Variants in PRMT9 observed in about 807,000 individuals in gnomAD.
The protein encoded by PRMT9 is protein arginine N-methyltransferase 9.
Under a neutral mutation model 83.2 loss-of-function variants are expected in PRMT9, and 59 were observed. The ratio of observed to expected loss-of-function variants is 0.71; its 90% confidence interval spans 0.57 to 0.88. PRMT9 has a LOEUF of 0.88. Ranked by LOEUF, PRMT9 falls within the 40% of genes least tolerant of loss-of-function variation. The pLI, the probability that PRMT9 is intolerant of heterozygous loss-of-function variation, is 0.00. For synonymous variants in PRMT9, 333 were observed against 353.2 expected, an observed-to-expected ratio of 0.94 and a Z score of 0.64; for missense variants, 947 against 1,021.9, an observed-to-expected ratio of 0.93 and a Z score of 1.00.
chr4:147,662,543 G>A (rs1395226568), intron 6 of PRMT9, among the ~76,000 whole-genome samples: 1 of 152,230 alleles, frequency 6.6e-6, no homozygotes, highest in Non-Finnish European at 1.5e-5. Context: ...GTTTACACCT[G>A]TAATCCCAGT....
At chr4:147,651,094 C>A (rs1363137967) in intron 9 of PRMT9, among the ~76,000 whole-genome samples, 1 of 151,022 alleles carries the variant, frequency 6.6e-6, no homozygotes, top group African/African-American at 2.4e-5. Context: ...AAGAGTGAGA[C>A]TCCATCTCAA....
At chr4:147,680,967 TC>T (rs2126642271) in intron 1 of PRMT9, among the ~76,000 whole-genome samples, 1 of 152,354 alleles carries the variant, frequency 6.6e-6, no homozygotes, top group African/African-American at 2.4e-5. Flanking sequence ...GCAAATGTAG[TC>T]CAACTCAAAT....
rs1236080591 is a variant in PRMT9, at chr4:147,638,400, A to G, written c.*132T>C. 8.7e-6 allele frequency: 6 copies of G among 691,102 alleles called. No homozygotes were observed. In the East Asian group the frequency reaches 1.4e-4, roughly 16 times the overall value. 42.8% of individuals were successfully genotyped at this position (691,102 alleles called of 1,614,324 possible). On this transcript the variant is annotated 3_prime_UTR_variant, in exon 12 of 12. Coordinates refer to ENST00000322396, the MANE Select transcript of PRMT9 (RefSeq NM_138364.4). ...CCTTTTATTTAGAATCTTTTAAAAT[A>G]TGCTTTATTAATGTCAATTTTAAAA...
In PRMT9 at chr4:147,655,078, G is replaced by A. The variant is rs574807104; in HGVS notation, c.1331-512C>T. Among the ~76,000 whole-genome samples the A allele has an allele frequency of 2.0e-5, 3 of 152,302 alleles. 1 individual carries two copies. In the South Asian group the frequency reaches 6.2e-4, roughly 32 times the overall value. On this transcript the variant is annotated intron_variant, in intron 8 of 11. Coordinates refer to ENST00000322396, the MANE Select transcript of PRMT9 (RefSeq NM_138364.4). ...AACTGTAAGTATTTTAGACATTCTTGCATGTCTAGGAACTTCAAAGTATAA... is the reference window on the plus strand; with the variant it reads ...AACTGTAAGTATTTTAGACATTCTTACATGTCTAGGAACTTCAAAGTATAA...
chr4:147,677,450 T>C (rs1736163258), intron 2 of PRMT9, among the ~76,000 whole-genome samples: 1 of 132,538 alleles, frequency 7.5e-6, no homozygotes, highest in African/African-American at 3.0e-5. Flanking sequence ...GTAGAATTTT[T>C]TTTTTTTTTT....
intron 9 of PRMT9, among the ~76,000 whole-genome samples, chr4:147,649,808 A>G (rs1186358495): frequency 6.6e-6 from 1 of 152,124 alleles, no homozygotes; most frequent in Non-Finnish European, 1.5e-5. Context: ...TCCAGCAAGA[A>G]TGAACATTTA....
At chr4:147,663,496 G>A (rs1463255652) in intron 6 of PRMT9, among the ~76,000 whole-genome samples, 2 of 152,020 alleles carry the variant, frequency 1.3e-5, no homozygotes, top group African/African-American at 4.8e-5. Flanking sequence ...TTCCTGAGTA[G>A]CTGGGACTAC....
intron 9 of PRMT9, among the ~76,000 whole-genome samples, chr4:147,648,038 C>T (rs146726064): frequency 3.4e-4 from 52 of 152,272 alleles, no homozygotes; most frequent in African/African-American, 1.2e-3. Context: ...ATAAAGTATA[C>T]ATAGGGCAAA....
intron 9 of PRMT9, among the ~76,000 whole-genome samples, chr4:147,648,736 G>A (rs1406777443): frequency 1.3e-5 from 2 of 152,114 alleles, no homozygotes; most frequent in Non-Finnish European, 2.9e-5. Flanking sequence ...TCAACTAAGT[G>A]ATAATCAGTT....
chr4:147,657,522 G>A (rs1437911178), intron 8 of PRMT9, among the ~76,000 whole-genome samples: 1 of 147,412 alleles, frequency 6.8e-6, no homozygotes, highest in East Asian at 2.0e-4. Flanking sequence ...AGACTCTGTC[G>A]TTAAAAAAAA....
At chr4:147,683,733 CTG>C (rs144864566) in intron 1 of PRMT9, 64 bp downstream of exon 1, 12,387 of 461,778 alleles carry the variant, frequency 0.027, 143 homozygotes, top group East Asian at 0.047. Context: ...TTTTTTTTTT[CTG>C]TTTTTTTTTT....
At chr4:147,664,706 T>C (rs1735202136) in intron 6 of PRMT9, among the ~76,000 whole-genome samples, 1 of 152,102 alleles carries the variant, frequency 6.6e-6, no homozygotes, top group Non-Finnish European at 1.5e-5. Context: ...AAAACCTAGA[T>C]GATGGGTTGA....
intron 2 of PRMT9, among the ~76,000 whole-genome samples, chr4:147,678,461 T>C (rs1444378669): frequency 1.3e-5 from 2 of 152,224 alleles, no homozygotes; most frequent in Non-Finnish European, 2.9e-5. Context: ...TTTCACAGAA[T>C]TCTTCACGCA....
chr4:147,646,670 G>A (rs1407384998), intron 9 of PRMT9, among the ~76,000 whole-genome samples: 1 of 147,616 alleles, frequency 6.8e-6, no homozygotes, highest in African/African-American at 2.5e-5. Context: ...GGAGGGGGGG[G>A]AGGGGGGTGC....
At position 147,673,059 on chromosome 4, in the gene PRMT9, G is replaced by GTTCAT. The variant is rs1560704653; in HGVS notation, c.638_642dup (p.Leu215MetfsTer27). 1 of 1,613,968 alleles carries GTTCAT rather than the reference G, an allele frequency of 6.2e-7. No individual in the cohort carries two copies. Among genetic ancestry groups the GTTCAT allele is most frequent in the Non-Finnish European group, 8.5e-7 (1 of 1,179,882 alleles). On this transcript the variant is annotated frameshift_variant, in exon 4 of 12. Transcript: ENST00000322396. LOFTEE classifies it high-confidence loss of function. Reference sequence around the variant, plus strand: ...TTTGCTGCCACGACATCACAGGCAAGTTCATACATGGTCTTGGATAACTCA... The same window carrying GTTCAT: ...TTTGCTGCCACGACATCACAGGCAAGTTCATTTCATACATGGTCTTGGATAACTCA...
chr4:147,646,381 T>G (rs545517606), intron 9 of PRMT9, among the ~76,000 whole-genome samples: 43 of 152,252 alleles, frequency 2.8e-4, no homozygotes, highest in Non-Finnish European at 4.9e-4. Context: ...AGAGGTATCA[T>G]TCTATGAAAT....
At chr4:147,666,172 G>A (rs1473723729) in intron 6 of PRMT9, among the ~76,000 whole-genome samples, 1 of 152,172 alleles carries the variant, frequency 6.6e-6, no homozygotes, top group African/African-American at 2.4e-5. Context: ...CTGATTAATA[G>A]ACAATTATAT....
chr4:147,647,860 T>G (rs1411781295), intron 9 of PRMT9, among the ~76,000 whole-genome samples: 1 of 152,176 alleles, frequency 6.6e-6, no homozygotes, highest in East Asian at 1.9e-4. Flanking sequence ...GTATTGGCTT[T>G]TCTGGGCAGT....
intron 9 of PRMT9, among the ~76,000 whole-genome samples, chr4:147,643,486 G>T (rs1044800229): frequency 6.6e-6 from 1 of 152,126 alleles, no homozygotes; most frequent in African/African-American, 2.4e-5. Flanking sequence ...AAAATGACAG[G>T]TTAGCTATTT....
Sources: gnomAD v4.1 joint callset for allele counts (sites outside exome capture counted in the v4.1 genomes callset) on GRCh38, gnomAD v4.1.1 for gene constraint, MANE v1.5 for transcripts, NCBI Gene and HGNC (gene_info 2026-07-23, HGNC 2026-07-21) for gene names.